NSRP1: variants seen among roughly 807,000 people sequenced by gnomAD.
NSRP1 encodes coiled-coil domain containing 55.
In NSRP1, 24 loss-of-function variants were observed where a neutral mutation model predicts 54.7. That is an observed-to-expected ratio of 0.44 (90% CI 0.32 to 0.62). The LOEUF is 0.62. Among genes scored for constraint, NSRP1 ranks in the 20% least tolerant of loss-of-function variants. The pLI is 0.06. For missense variants in NSRP1, 596 were observed against 651.2 expected, an observed-to-expected ratio of 0.92 and a Z score of 0.92; for synonymous variants, 210 against 213.8, an observed-to-expected ratio of 0.98 and a Z score of 0.15.
chr17:30,149,839 A>AG, intron 2 of NSRP1, among the ~76,000 whole-genome samples: 1 of 151,294 alleles, frequency 6.6e-6, no homozygotes, highest in Non-Finnish European at 1.5e-5. Flanking sequence ...TGTCTCAAAA[A>AG]AAAAAAAAAA....
intron 6 of NSRP1, among the ~76,000 whole-genome samples, chr17:30,181,652 C>G (rs921682314): frequency 2.0e-5 from 3 of 150,296 alleles, no homozygotes; most frequent in Admixed American, 2.0e-4. Context: ...GCTCTGTCAC[C>G]CAGGCTGGAG....
chr17:30,172,169 T>G (rs1041209626), intron 2 of NSRP1, among the ~76,000 whole-genome samples: 1 of 152,218 alleles, frequency 6.6e-6, no homozygotes, highest in Non-Finnish European at 1.5e-5. Context: ...GCAAATTCAT[T>G]TATTTCCTGA....
intron 2 of NSRP1, among the ~76,000 whole-genome samples, chr17:30,142,547 G>T (rs1207569962): frequency 6.6e-6 from 1 of 151,620 alleles, no homozygotes; most frequent in African/African-American, 2.4e-5. Context: ...GCCCAGGCTG[G>T]TTTGGAACTC....
chr17:30,177,039 C>G (rs763221493), intron 3 of NSRP1, among the ~76,000 whole-genome samples: 9 of 150,662 alleles, frequency 6.0e-5, no homozygotes, highest in Non-Finnish European at 1.0e-4. Context: ...GAATTTACAA[C>G]CGGGGGCAAA....
intron 2 of NSRP1, among the ~76,000 whole-genome samples, chr17:30,142,494 T>TAA (rs775333722): frequency 2.2e-5 from 3 of 135,674 alleles, no homozygotes; most frequent in African/African-American, 5.4e-5. Flanking sequence ...CCTGGCTAAT[T>TAA]AAAAAAAAAA....
chr17:30,154,237 C>T (rs2071940373), intron 2 of NSRP1, among the ~76,000 whole-genome samples: 1 of 151,892 alleles, frequency 6.6e-6, no homozygotes, highest in African/African-American at 2.4e-5. Flanking sequence ...GGGAGAATTG[C>T]TTGAGCCTGG....
chr17:30,176,393 G>A (rs1184200273), intron 3 of NSRP1, among the ~76,000 whole-genome samples: 3 of 151,960 alleles, frequency 2.0e-5, no homozygotes, highest in Admixed American at 6.6e-5. Flanking sequence ...GGTAGATCAC[G>A]AGGTCAGGAG....
chr17:30,171,963 CACA>C (rs1567804322), intron 2 of NSRP1, among the ~76,000 whole-genome samples: 7 of 136,888 alleles, frequency 5.1e-5, no homozygotes, highest in African/African-American at 1.9e-4. Context: ...CACACACACA[CACA>C]CACACACTCC....
chr17:30,134,281 A>G (rs1412058279), intron 2 of NSRP1, among the ~76,000 whole-genome samples: 1 of 152,218 alleles, frequency 6.6e-6, no homozygotes, highest in East Asian at 1.9e-4. Context: ...AAGATTGTTG[A>G]TTACAGATCA....
chr17:30,182,904 A>T (rs562188088), intron 6 of NSRP1, among the ~76,000 whole-genome samples: 5 of 152,342 alleles, frequency 3.3e-5, no homozygotes, highest in Admixed American at 3.3e-4. Context: ...ACTGCACTCC[A>T]GCTTGGGTGA....
At chr17:30,158,007 T>C (rs533745405) in intron 2 of NSRP1, among the ~76,000 whole-genome samples, 2 of 152,316 alleles carry the variant, frequency 1.3e-5, no homozygotes, top group South Asian at 4.1e-4. Flanking sequence ...AGATACCCAA[T>C]AGTGAGATTG....
chr17:30,120,120 G>T (rs1232476571), intron 2 of NSRP1, among the ~76,000 whole-genome samples: 1 of 152,044 alleles, frequency 6.6e-6, no homozygotes, highest in African/African-American at 2.4e-5. Context: ...GCCTGTTACA[G>T]AATTTCATAT....
chr17:30,122,078 T>TGAC (rs1219233452), intron 2 of NSRP1, among the ~76,000 whole-genome samples: 1 of 152,108 alleles, frequency 6.6e-6, no homozygotes, highest in Non-Finnish European at 1.5e-5. Flanking sequence ...CTTTTGTGTC[T>TGAC]GACTTCTTTC....
At chr17:30,118,978 C>T (rs1169404639) in intron 2 of NSRP1, among the ~76,000 whole-genome samples, 2 of 152,060 alleles carry the variant, frequency 1.3e-5, no homozygotes, top group African/African-American at 4.8e-5. Context: ...GAACTCCTGA[C>T]CTCAGGTGAT....
intron 2 of NSRP1, among the ~76,000 whole-genome samples, chr17:30,171,981 CTCTCTCT>C (rs1904962302): frequency 1.0e-5 from 1 of 96,398 alleles, no homozygotes; most frequent in Admixed American, 1.2e-4. Flanking sequence ...CACTCCCTCT[CTCTCTCT>C]CTCTCTCTCT....
intron 2 of NSRP1, among the ~76,000 whole-genome samples, chr17:30,132,245 C>CAAA (rs536072441): frequency 5.3e-5 from 6 of 112,666 alleles, no homozygotes; most frequent in African/African-American, 2.0e-4. Context: ...GAGACTGTCT[C>CAAA]AAAAAAAAAA....
At chr17:30,172,213 A>G (rs996924128) in intron 2 of NSRP1, among the ~76,000 whole-genome samples, 3 of 152,166 alleles carry the variant, frequency 2.0e-5, no homozygotes, top group Admixed American at 1.3e-4. Context: ...ATGTTAGTTT[A>G]ATTTGTATTA....
At chr17:30,175,510 T>G (rs1905097635) in intron 3 of NSRP1, among the ~76,000 whole-genome samples, 1 of 152,036 alleles carries the variant, frequency 6.6e-6, no homozygotes, top group African/African-American at 2.4e-5. Context: ...CTCAGCTCAC[T>G]GCAACCTCCA....
At chr17:30,177,285 C>CA (rs1415134118) in intron 3 of NSRP1, among the ~76,000 whole-genome samples, 1 of 151,760 alleles carries the variant, frequency 6.6e-6, no homozygotes, top group African/African-American at 2.4e-5. Context: ...GTGAGAGGAT[C>CA]ACTTGAAGCC....
Sources: gnomAD v4.1 joint callset for allele counts (sites outside exome capture counted in the v4.1 genomes callset) on GRCh38, gnomAD v4.1.1 for gene constraint, MANE v1.5 for transcripts, NCBI Gene and HGNC (gene_info 2026-07-23, HGNC 2026-07-21) for gene names.